TMEM268: variants seen among roughly 807,000 people sequenced by gnomAD.
TMEM268 encodes transmembrane protein C9orf91.
A neutral mutation model predicts 39.1 loss-of-function variants in TMEM268; 24 were observed. The ratio of observed to expected loss-of-function variants is 0.61; its 90% CI spans 0.44 to 0.86. The LOEUF is 0.86. TMEM268 is among the 40% of genes least tolerant of loss of function. TMEM268 has a pLI of 0.00. For synonymous variants in TMEM268, 176 were observed against 173.5 expected (o/e 1.01, Z -0.12); for missense variants, 409 against 428.6 (o/e 0.95, Z 0.40).
upstream of TMEM268, among the ~76,000 whole-genome samples, chr9:114,607,453 C>T (rs117194648): frequency 0.014 from 2,124 of 152,080 alleles, 75 homozygotes; most frequent in East Asian, 0.11. Context: ...CTCAAGAGTT[C>T]GAGACCAGCT....
rs1385188019 is a variant in TMEM268, at chr9:114,645,966, A to T, written c.*2653A>T. 1 of 151,256 alleles carries T rather than the reference A, an allele frequency of 6.6e-6. No homozygotes were observed. Among genetic ancestry groups the T allele is most frequent in the Non-Finnish European group, 1.5e-5 (1 of 67,812 alleles). 9.4% of individuals were successfully genotyped at this position (151,256 alleles called of 1,614,324 possible). A position where few individuals can be genotyped will look rare whatever the true frequency, so the allele number is the denominator to read the frequency against. ...TTTAAATTTTATTTAATTTTTATTT[A>T]TTTTTTTTTAAATGTAATTTTTTCA... On this transcript the variant is annotated 3_prime_UTR_variant, in exon 9 of 9. Transcript: ENST00000288502.
At chr9:114,640,931 A>T (rs1401825249) in intron 8 of TMEM268, among the ~76,000 whole-genome samples, 1 of 151,786 alleles carries the variant, frequency 6.6e-6, no homozygotes, top group African/African-American at 2.4e-5. Context: ...GCTAGAGTGA[A>T]GTGGTGTGAT....
chr9:114,621,549 G>A (rs1845946504), intron 2 of TMEM268, among the ~76,000 whole-genome samples: 1 of 152,138 alleles, frequency 6.6e-6, no homozygotes, highest in Non-Finnish European at 1.5e-5. Context: ...GCATACATAG[G>A]TATTTAGCTT....
At position 114,628,211 on chromosome 9, in the gene TMEM268, C is replaced by A; in HGVS notation, c.435C>A (p.Thr145=). 1 of 1,614,168 alleles carries A rather than the reference C, an allele frequency of 6.2e-7. No homozygotes were observed. The highest frequency in any genetic ancestry group is 8.5e-7 in the Non-Finnish European group (1 of 1,180,036). The change falls in exon 5 of 9, where the codon ACC becomes ACA. Residue 145 remains threonine (T), a synonymous_variant. Coordinates refer to ENST00000288502, the MANE Select transcript of TMEM268 (RefSeq NM_153045.4). ...TGACCCTGGCCGCGGTGAGCCTGAC[C>A]TTGACTCTTGTGCTGGTCTTTGAAA... ...LLVTLAAVSL[T]LTLVLVFERH... is the part of the protein sequence containing the mutation.
At chr9:114,609,896 C>T (rs80103007), upstream of TMEM268, among the ~76,000 whole-genome samples, 6,398 of 152,100 alleles carry the variant, frequency 0.042, 189 homozygotes, top group East Asian at 0.14. Context: ...GGCATGTTTG[C>T]GTGTATGCAA....
chr9:114,631,836 C>T (rs568050105), intron 5 of TMEM268, among the ~76,000 whole-genome samples: 2 of 152,132 alleles, frequency 1.3e-5, no homozygotes, highest in South Asian at 2.1e-4. Flanking sequence ...CGTGATGGCT[C>T]ATGTCTGTAA....
chr9:114,622,333 T>A (rs1201972697), intron 2 of TMEM268: 5 of 985,234 alleles, frequency 5.1e-6, no homozygotes, highest in Non-Finnish European at 6.0e-6. Context: ...AAATATCCAG[T>A]CCTCAGCAGT....
At chr9:114,619,562 G>T (rs560037416) in intron 2 of TMEM268, among the ~76,000 whole-genome samples, 2 of 152,198 alleles carry the variant, frequency 1.3e-5, no homozygotes, top group African/African-American at 4.8e-5. Flanking sequence ...GTCTCCATGC[G>T]TGGAGTCCAA....
intron 8 of TMEM268, among the ~76,000 whole-genome samples, chr9:114,639,526 C>T (rs1846798507): frequency 6.6e-6 from 1 of 152,016 alleles, no homozygotes; most frequent in African/African-American, 2.4e-5. Flanking sequence ...GCAGCTTGTG[C>T]TTACCTTCTT....
chr9:114,610,076 G>A (rs1845440063), upstream of TMEM268, among the ~76,000 whole-genome samples: 1 of 149,616 alleles, frequency 6.7e-6, no homozygotes, highest in Non-Finnish European at 1.5e-5. Flanking sequence ...TTTTGCTCTT[G>A]TTGCCCAGGC....
rs761258746 is a variant in TMEM268 at position 114,626,982 on chromosome 9, G to A, written c.300G>A (p.Arg100=). ...GAAGATATATCATCTACAACTCGAG[G>A]CCTATGCGGCTGGCCTTTGCTGTGG... ...QVRRYIIYNS[R]PMRLAFAVVF... Residue 100 remains arginine, a synonymous_variant, in exon 4 of 9, where the codon AGG becomes AGA. Coordinates refer to ENST00000288502, the MANE Select transcript of TMEM268 (RefSeq NM_153045.4). The A allele has an allele frequency of 1.4e-5, 23 of 1,612,878 alleles. No homozygotes were observed. The highest frequency in any genetic ancestry group is 1.9e-5 in the Non-Finnish European group (22 of 1,179,090).
chr9:114,616,427 G>A (rs1341054681), intron 1 of TMEM268, among the ~76,000 whole-genome samples: 1 of 152,044 alleles, frequency 6.6e-6, no homozygotes, highest in Admixed American at 6.6e-5. Context: ...GTGCAGTGGT[G>A]CAATCTCAGC....
intron 6 of TMEM268, among the ~76,000 whole-genome samples, chr9:114,635,632 T>G (rs567545060): frequency 6.6e-6 from 1 of 152,182 alleles, no homozygotes; most frequent in African/African-American, 2.4e-5. Flanking sequence ...TGAGCTGTGA[T>G]CGCGCCACTG....
At chr9:114,628,883 T>TAA (rs1846272808) in intron 5 of TMEM268, among the ~76,000 whole-genome samples, 1 of 152,242 alleles carries the variant, frequency 6.6e-6, no homozygotes, top group Non-Finnish European at 1.5e-5. Context: ...ATGATTTTAA[T>TAA]TGTTTTCTGT....
At chr9:114,619,832 A>G (rs1264058941) in intron 2 of TMEM268, among the ~76,000 whole-genome samples, 1 of 152,054 alleles carries the variant, frequency 6.6e-6, no homozygotes, top group African/African-American at 2.4e-5. Context: ...TGCTTAGTAA[A>G]TGGCTCCACA....
intron 1 of TMEM268, among the ~76,000 whole-genome samples, chr9:114,613,754 T>C (rs1246988043): frequency 6.7e-6 from 1 of 150,240 alleles, no homozygotes; most frequent in African/African-American, 2.4e-5. Context: ...TTTTTTGTTT[T>C]GTTTTGTTTT....
intron 8 of TMEM268, among the ~76,000 whole-genome samples, chr9:114,642,026 A>C (rs777561235): frequency 6.6e-6 from 1 of 152,230 alleles, no homozygotes; most frequent in Non-Finnish European, 1.5e-5. Context: ...TATTGTGGCA[A>C]ATATACATAA....
At position 114,638,620 on chromosome 9, in the gene TMEM268, C is replaced by T; in HGVS notation, c.743C>T (p.Pro248Leu). 1.9e-6 allele frequency: 3 copies of T among 1,610,304 alleles called. No individual in the cohort carries two copies. Among genetic ancestry groups the T allele is most frequent in the Non-Finnish European group, 2.5e-6 (3 of 1,178,488 alleles). Residue 248 changes from proline (P) to leucine (L), a missense_variant, in exon 8 of 9, where the codon CCT becomes CTT. Transcript: ENST00000288502. ...GTGAGCCCTGCAACAGCGGAGGGGC[C>T]TGAGAACTTGGAGGATGCTCCTCTC... ...TGVSPATAEGPENLEDAPLLP... is the reference protein window; with the variant it reads ...TGVSPATAEGLENLEDAPLLP...
In TMEM268 at chr9:114,611,425, C is replaced by G. The variant is rs1176048845; in HGVS notation, c.-218C>G. On this transcript the variant is annotated 5_prime_UTR_variant, in exon 1 of 9. Transcript: ENST00000288502. ...GGGCCGGCCGGGCGGGGGGCGGGCC[C>G]GTGAAGGCGGCGCAGCGCGGCGCGG... The G allele has an allele frequency of 6.6e-6, 1 of 151,412 alleles. No individual in the cohort carries two copies. The highest frequency in any genetic ancestry group is 1.5e-5 in the Non-Finnish European group (1 of 67,688). The allele number at this position is 151,412 out of a possible 1,614,324, so 9.4% of individuals were successfully genotyped here. A position where few individuals can be genotyped will look rare whatever the true frequency, so the allele number is the denominator to read the frequency against.
Sources: gnomAD v4.1 joint callset for allele counts (sites outside exome capture counted in the v4.1 genomes callset) on GRCh38, gnomAD v4.1.1 for gene constraint, MANE v1.5 for transcripts, NCBI Gene and HGNC (gene_info 2026-07-23, HGNC 2026-07-21) for gene names.